Variants in RNF180 observed in about 807,000 individuals in gnomAD.
The protein encoded by RNF180 is E3 ubiquitin-protein ligase RNF180.
A neutral mutation model predicts 59.2 loss-of-function variants in RNF180; 38 were observed. The ratio of observed to expected loss-of-function variants is 0.64; its 90% CI spans 0.50 to 0.84. The LOEUF is 0.84. RNF180 is among the 40% of genes least tolerant of loss of function. The pLI is 0.00. For missense variants in RNF180, 705 were observed against 700.9 expected (o/e 1.01, Z -0.07); for synonymous variants, 262 against 240.3 (o/e 1.09, Z -0.84).
intron 5 of RNF180, among the ~76,000 whole-genome samples, chr5:64,246,635 A>G (rs1400996881): frequency 2.6e-5 from 4 of 152,224 alleles, no homozygotes; most frequent in South Asian, 2.1e-4. Flanking sequence ...TACCAACCAA[A>G]AAAAGCCCAG....
At chr5:64,345,844 G>C (rs749063280) in intron 7 of RNF180, among the ~76,000 whole-genome samples, 1 of 151,862 alleles carries the variant, frequency 6.6e-6, no homozygotes, top group African/African-American at 2.4e-5. Context: ...ATTTATTTTA[G>C]ATCCAAAAAA....
chr5:64,258,715 A>T (rs767299285), intron 5 of RNF180, among the ~76,000 whole-genome samples: 2 of 152,312 alleles, frequency 1.3e-5, no homozygotes, highest in Middle Eastern at 3.4e-3. Context: ...AGTTTAGAAG[A>T]TAACTCTGGG....
At chr5:64,295,347 G>A (rs1742826756) in intron 5 of RNF180, among the ~76,000 whole-genome samples, 1 of 152,158 alleles carries the variant, frequency 6.6e-6, no homozygotes, top group Admixed American at 6.5e-5. Context: ...GATGCAATGA[G>A]ACCTAGTTGG....
intron 5 of RNF180, among the ~76,000 whole-genome samples, chr5:64,254,276 G>A (rs1743782862): frequency 6.6e-6 from 1 of 152,096 alleles, no homozygotes; most frequent in South Asian, 2.1e-4. Flanking sequence ...CTGACAAATG[G>A]AGCCTGATGA....
chr5:64,339,119 TTATC>T (rs1255463475), intron 7 of RNF180, among the ~76,000 whole-genome samples: 7 of 152,136 alleles, frequency 4.6e-5, no homozygotes, highest in African/African-American at 9.7e-5. Context: ...TGAATTCTGA[TTATC>T]TACTCATTTT....
At chr5:64,267,598 C>T (rs371026749) in intron 5 of RNF180, among the ~76,000 whole-genome samples, 14 of 151,124 alleles carry the variant, frequency 9.3e-5, no homozygotes, top group Non-Finnish European at 1.8e-4. Context: ...TGAGAATATG[C>T]GGTGTTTGGT....
intron 1 of RNF180, among the ~76,000 whole-genome samples, chr5:64,186,798 T>G (rs1165571879): frequency 6.6e-6 from 1 of 152,158 alleles, no homozygotes; most frequent in Admixed American, 6.6e-5. Context: ...TGTATACTCA[T>G]CATATGATGA....
intron 5 of RNF180, among the ~76,000 whole-genome samples, chr5:64,299,782 T>C: frequency 6.6e-6 from 1 of 152,056 alleles, no homozygotes; most frequent in East Asian, 1.9e-4. Context: ...GTATCTGTGG[T>C]TTCACTTTCC....
At chr5:64,207,062 T>G (rs576879365) in intron 2 of RNF180, among the ~76,000 whole-genome samples, 1 of 151,238 alleles carries the variant, frequency 6.6e-6, no homozygotes, top group Admixed American at 6.6e-5. Flanking sequence ...GGATTTATCA[T>G]TTAATCTTCT....
chr5:64,210,988 C>T (rs1166147211), intron 2 of RNF180, among the ~76,000 whole-genome samples: 2 of 151,940 alleles, frequency 1.3e-5, no homozygotes, highest in Non-Finnish European at 2.9e-5. Context: ...GAGTGAGGAG[C>T]TGGAAAATTG....
chr5:64,349,057 T>C (rs1055043598), intron 7 of RNF180, among the ~76,000 whole-genome samples: 3 of 152,082 alleles, frequency 2.0e-5, no homozygotes, highest in Admixed American at 2.0e-4. Context: ...CTAAAGTGTT[T>C]CCTAAAAGGA....
chr5:64,218,692 A>C (rs1752758090), intron 5 of RNF180, among the ~76,000 whole-genome samples: 1 of 152,214 alleles, frequency 6.6e-6, no homozygotes, highest in Non-Finnish European at 1.5e-5. Context: ...TGACTCTCGT[A>C]ATACGTGAAC....
At chr5:64,296,696 AG>A (rs1742901716) in intron 5 of RNF180, among the ~76,000 whole-genome samples, 1 of 151,768 alleles carries the variant, frequency 6.6e-6, no homozygotes, top group Non-Finnish European at 1.5e-5. Flanking sequence ...TTAATGAGTC[AG>A]ATGTGCTGCT....
intron 5 of RNF180, among the ~76,000 whole-genome samples, chr5:64,314,084 C>T (rs1743919035): frequency 2.0e-5 from 3 of 151,946 alleles, no homozygotes; most frequent in Admixed American, 2.0e-4. Flanking sequence ...ATACTTTGCC[C>T]CATTCTATAG....
At chr5:64,225,369 G>A (rs28626075) in intron 5 of RNF180, among the ~76,000 whole-genome samples, 1,946 of 97,524 alleles carry the variant, frequency 0.02, 2 homozygotes, top group African/African-American at 0.044. Flanking sequence ...CTGCCCGGCC[G>A]CCCTGTCTGG....
chr5:64,278,945 A>G (rs1741863924), intron 5 of RNF180, among the ~76,000 whole-genome samples: 1 of 152,112 alleles, frequency 6.6e-6, no homozygotes, highest in African/African-American at 2.4e-5. Flanking sequence ...AGATAGATTA[A>G]TGGTTTGGGG....
intron 5 of RNF180, among the ~76,000 whole-genome samples, chr5:64,318,540 T>C (rs1361111702): frequency 6.6e-6 from 1 of 152,312 alleles, no homozygotes; most frequent in Middle Eastern, 3.4e-3. Context: ...AAGGGGGAAC[T>C]ATTATATACA....
chr5:64,205,162 A>G (rs1411243205), intron 2 of RNF180, among the ~76,000 whole-genome samples: 8 of 152,314 alleles, frequency 5.3e-5, no homozygotes, highest in African/African-American at 1.4e-4. Context: ...AAGAAACAGT[A>G]CAAATGCAGC....
rs528699491 is a variant in RNF180 at position 64,240,723 on chromosome 5, C to A, written c.1227+23327C>A. On this transcript the variant is annotated intron_variant, in intron 5 of 7. Coordinates refer to ENST00000389100, the MANE Select transcript of RNF180 (RefSeq NM_001113561.2). ...ATCTTCCTAGCATACCAAACACTTA[C>A]TGTTTCTTCTGCCTGGAAGGCTCTG... is the stretch of plus-strand genomic sequence containing the variant. 9.8e-5 allele frequency among the ~76,000 whole-genome samples: 15 copies of A among 152,320 alleles called. 2 individuals are homozygous for A. Among genetic ancestry groups the A allele is most frequent in the African/African-American group, 3.6e-4 (15 of 41,574 alleles).
Sources: allele counts gnomAD v4.1 joint callset (sites outside exome capture counted in the v4.1 genomes callset), GRCh38; gene constraint gnomAD v4.1.1; transcripts MANE v1.5; gene names NCBI Gene and HGNC (gene_info 2026-07-23, HGNC 2026-07-21).